DMWD: variants seen among roughly 807,000 people sequenced by gnomAD.
The protein encoded by DMWD is dystrophia myotonica WD repeat-containing protein.
DMWD carries 19 observed loss-of-function variants against 45.8 expected under a neutral mutation model. That is an observed-to-expected ratio of 0.41 (90% CI 0.29 to 0.61). DMWD has a LOEUF of 0.61. DMWD is among the 20% of genes least tolerant of loss of function. DMWD has a pLI of 0.25. For synonymous variants in DMWD, 515 were observed against 440.5 expected, an observed-to-expected ratio of 1.17 and a Z score of -2.12; for missense variants, 802 against 965.2, an observed-to-expected ratio of 0.83 and a Z score of 2.24.
intron 2 of DMWD, among the ~76,000 whole-genome samples, chr19:45,788,112 T>G (rs908615047): frequency 2.0e-5 from 3 of 151,960 alleles, no homozygotes; most frequent in African/African-American, 7.2e-5. Flanking sequence ...ACCCAGAATC[T>G]GACCTCCTCT....
chr19:45,786,024 G>T lies in DMWD; in HGVS notation c.1472C>A (p.Ser491Tyr). The part of the protein sequence containing the change: ...PGPGPLPRSL[S>Y]RSNSLPHPAG... ...TGGGTGCGGGAGACTGTTGGAGCGG[G>T]ACAGCGAGCGAGGCAGGGGGCCTGG... The change falls in exon 3 of 5, where the codon TCC (serine) becomes TAC (tyrosine). Residue 491 changes from serine to tyrosine, a missense_variant. Coordinates refer to ENST00000270223, the MANE Select transcript of DMWD (RefSeq NM_004943.2). The T allele has an allele frequency of 6.5e-7, 1 of 1,548,120 alleles. No homozygotes were observed.
At chr19:45,784,481 T>C (rs907733774) in intron 4 of DMWD, 160 bp downstream of exon 4, 2 of 1,310,558 alleles carry the variant, frequency 1.5e-6, no homozygotes, top group African/African-American at 1.5e-5. Context: ...CTTCCTGTCC[T>C]GGCAGTCAGC....
At position 45,786,608 on chromosome 19, in the gene DMWD, G is replaced by A. The variant is rs1970282350; in HGVS notation, c.888C>T (p.Gly296=). 1 of 1,613,720 alleles carries A rather than the reference G, an allele frequency of 6.2e-7. No homozygotes were observed. The highest frequency in any genetic ancestry group is 8.5e-7 in the Non-Finnish European group (1 of 1,179,808). ...PLNEFAFSPD[G]RHLACVSQDG... is the part of the protein sequence containing the mutation. ...CCTGGCTCACACAGGCCAGGTGCCGGCCATCGGGCGAGAAGGCGAACTCGT... is the reference window on the plus strand; with the variant it reads ...CCTGGCTCACACAGGCCAGGTGCCGACCATCGGGCGAGAAGGCGAACTCGT... The change falls in exon 3 of 5, where the codon GGC becomes GGT. Residue 296 remains glycine, a synonymous_variant. Coordinates refer to ENST00000270223, the MANE Select transcript of DMWD (RefSeq NM_004943.2).
intron 3 of DMWD, 124 bp from the exon 4 acceptor site, chr19:45,784,839 A>ACTGAGGAT: frequency 4.2e-6 from 6 of 1,436,072 alleles, no homozygotes; most frequent in Non-Finnish European, 5.5e-6. Context: ...CGATTCCAAA[A>ACTGAGGAT]CTGAGGATCT....
Position 45,787,296 on chromosome 19 carries a change from G to T in DMWD, c.625-425C>A. The T allele has an allele frequency of 1.6e-5, 4 of 254,298 alleles. No homozygotes were observed. The South Asian group carries it at 1.9e-4, about 12-fold the overall frequency. 15.8% of individuals were successfully genotyped at this position (254,298 alleles called of 1,614,324 possible). On this transcript the variant is annotated intron_variant, in intron 2 of 4. Transcript: ENST00000270223. ...TACAGCCTGAGCCCAGCCTCCTACCGGAGCAGCGCACCATTCAATCCTCGT... is the reference window on the plus strand; with the variant it reads ...TACAGCCTGAGCCCAGCCTCCTACCTGAGCAGCGCACCATTCAATCCTCGT...
At position 45,783,082 on chromosome 19, in the gene DMWD, TG is replaced by T. The variant is rs936187937; in HGVS notation, c.*1160del. The T allele has an allele frequency of 7.6e-5, 11 of 145,002 alleles. No homozygotes were observed. The highest frequency in any genetic ancestry group is 2.6e-4 in the African/African-American group (10 of 38,546). The allele number at this position is 145,002 out of a possible 1,614,324, so 9.0% of individuals were successfully genotyped here. On this transcript the variant is annotated 3_prime_UTR_variant, in exon 5 of 5. Transcript: ENST00000270223. ...CCTCAGAGCCTGAACAGGGGTGACC[TG>T]CTGCCCAAAGGCTGGGGGAGGAAAG...
intron 4 of DMWD, 161 bp from the exon 5 acceptor site, chr19:45,784,451 G>T: frequency 2.4e-6 from 3 of 1,267,978 alleles, no homozygotes; most frequent in Non-Finnish European, 2.2e-6. Context: ...CTCTAGGCTG[G>T]GAACTTGCAT....
Position 45,786,137 on chromosome 19 carries a change from G to T in DMWD, c.1359C>A (p.His453Gln). 1 of 1,543,956 alleles carries T rather than the reference G, an allele frequency of 6.5e-7. No individual in the cohort carries two copies. The highest frequency in any genetic ancestry group is 8.7e-7 in the Non-Finnish European group (1 of 1,143,376). ...GGGTGCGGGTGCGGGCCAGGGGGGG[G>T]TGCGGGTAGAGCACGTCTTCAGTGA... ...WDLTEDVLYP[H>Q]PPLARTRTLP... Residue 453 changes from histidine to glutamine, a missense_variant, in exon 3 of 5, where the codon CAC becomes CAA. Around this residue, in one of 9 missense-constraint regions of DMWD, gnomAD observed 303 missense variants for 332.9 expected, o/e 0.91. Transcript: ENST00000270223.
chr19:45,786,342 T>G lies in DMWD; in HGVS notation c.1154A>C (p.Glu385Ala), dbSNP rs1383145830. ...ATCAGCACCGGCTGCTGTCGCCGCC[T>G]CCTCTGCCCTTGTGGTGTAGGGGTC... ...AFDPYTTRAE[E>A]AATAAGADGE... The change falls in exon 3 of 5, where the codon GAG (glutamate) becomes GCG (alanine). Residue 385 changes from glutamate to alanine, a missense_variant. By Grantham distance (107) the Glu-to-Ala change is moderately radical. Transcript: ENST00000270223. 1 of 1,607,438 alleles carries G rather than the reference T, an allele frequency of 6.2e-7. No individual in the cohort carries two copies. Among genetic ancestry groups the G allele is most frequent in the East Asian group, 2.2e-5 (1 of 44,686 alleles).
intron 3 of DMWD, chr19:45,785,282 T>C: frequency 8.7e-7 from 1 of 1,153,646 alleles, no homozygotes; most frequent in Non-Finnish European, 1.1e-6. Flanking sequence ...AGATTCTGGT[T>C]CGAGTGACAG....
At chr19:45,791,977 T>C (rs781055989) in intron 1 of DMWD, among the ~76,000 whole-genome samples, 2 of 152,028 alleles carry the variant, frequency 1.3e-5, no homozygotes, top group Non-Finnish European at 2.9e-5. Context: ...CACCTCATGA[T>C]TCCCCATTAC....
intron 4 of DMWD, 150 bp from the exon 5 acceptor site, chr19:45,784,440 G>A: frequency 8.0e-7 from 1 of 1,244,800 alleles, no homozygotes; most frequent in Non-Finnish European, 1.1e-6. Flanking sequence ...AGAGGCCACT[G>A]CTCTAGGCTG....
chr19:45,784,780 T>C, intron 3 of DMWD, 65 bp from the exon 4 acceptor site: 1 of 1,578,210 alleles, frequency 6.3e-7, no homozygotes, highest in East Asian at 2.2e-5. Flanking sequence ...CACTCTTGCC[T>C]CTGAGTCACT....
In DMWD at chr19:45,791,105, A is replaced by C; in HGVS notation, c.442-18T>G. The C allele has an allele frequency of 1.3e-6, 2 of 1,599,544 alleles. No individual in the cohort carries two copies. Among genetic ancestry groups the C allele is most frequent in the Non-Finnish European group, 1.7e-6 (2 of 1,172,446 alleles). On this transcript the variant is annotated intron_variant, in intron 1 of 4. Transcript: ENST00000270223. ...TCAATGGACTTGAGGGGTGGGAGAA[A>C]AGGAGTTAATGGTGTATGCCACTGA...
At position 45,792,573 on chromosome 19, in the gene DMWD, G is replaced by C; in HGVS notation, c.184C>G (p.Pro62Ala). 1.6e-6 allele frequency: 2 copies of C among 1,259,538 alleles called. No homozygotes were observed. The highest frequency in any genetic ancestry group is 2.0e-6 in the Non-Finnish European group (2 of 988,434). The allele number at this position is 1,259,538 out of a possible 1,614,324, so 78.0% of individuals were successfully genotyped here. A position where few individuals can be genotyped will look rare whatever the true frequency, so the allele number is the denominator to read the frequency against. Residue 62 changes from proline to alanine, a missense_variant, in exon 1 of 5, where the codon CCG (proline) becomes GCG (alanine). Coordinates refer to ENST00000270223, the MANE Select transcript of DMWD (RefSeq NM_004943.2). ...CCGGAGGCGGAGGCAGGGCCGGGCGGGGGCTGCGGTGGCTGAGGCGGCACC... is the reference window on the plus strand; with the variant it reads ...CCGGAGGCGGAGGCAGGGCCGGGCGCGGGCTGCGGTGGCTGAGGCGGCACC... Reference protein sequence around the residue: ...TPVPPQPPQPPPGPASASGPG... With the variant: ...TPVPPQPPQPAPGPASASGPG...
chr19:45,786,979 C>G (rs1970289078), intron 2 of DMWD, 108 bp from the exon 3 acceptor site: 1 of 1,494,072 alleles, frequency 6.7e-7, no homozygotes, highest in African/African-American at 1.4e-5. Context: ...CCCGCTCACA[C>G]AGCAGGTGCC....
Position 45,783,651 on chromosome 19 carries a change from G to T in DMWD, c.*592C>A, listed in dbSNP as rs1970216306. Reference sequence around the variant, plus strand: ...GGGAGCAGGCCTGCACTCCTCCTCTGGGGAAAGCGGACTGCCTAGAACCAC... The same window carrying T: ...GGGAGCAGGCCTGCACTCCTCCTCTTGGGAAAGCGGACTGCCTAGAACCAC... On this transcript the variant is annotated 3_prime_UTR_variant, in exon 5 of 5. Coordinates refer to ENST00000270223, the MANE Select transcript of DMWD (RefSeq NM_004943.2). 1 of 401,062 alleles carries T rather than the reference G, an allele frequency of 2.5e-6. No individual in the cohort carries two copies. The highest frequency in any genetic ancestry group is 2.1e-5 in the African/African-American group (1 of 48,628). The allele number at this position is 401,062 out of a possible 1,614,324, so 24.8% of individuals were successfully genotyped here. A position where few individuals can be genotyped will look rare whatever the true frequency, so the allele number is the denominator to read the frequency against.
chr19:45,783,580 G>A lies in DMWD; in HGVS notation c.*663C>T. 1 of 398,764 alleles carries A rather than the reference G, an allele frequency of 2.5e-6. No individual in the cohort carries two copies. The allele number at this position is 398,764 out of a possible 1,614,324, so 24.7% of individuals were successfully genotyped here. A position where few individuals can be genotyped will look rare whatever the true frequency, so the allele number is the denominator to read the frequency against. ...GACTCGCAGGTCCGTTCCCTCCCTG[G>A]GCTCCGGCTTTTCCTGCTATGAAAA... On this transcript the variant is annotated 3_prime_UTR_variant, in exon 5 of 5. Coordinates refer to ENST00000270223, the MANE Select transcript of DMWD (RefSeq NM_004943.2).
Position 45,784,057 on chromosome 19 carries a change from A to G in DMWD, c.*186T>C, listed in dbSNP as rs1435118616. 3 of 649,912 alleles carry G rather than the reference A, an allele frequency of 4.6e-6. No homozygotes were observed. Among genetic ancestry groups the G allele is most frequent in the South Asian group, 3.4e-5 (2 of 58,294 alleles). 40.3% of individuals were successfully genotyped at this position (649,912 alleles called of 1,614,324 possible). On this transcript the variant is annotated 3_prime_UTR_variant, in exon 5 of 5. Transcript: ENST00000270223. ...GGTGGGGGACAAGGCTGAGGCCACAAGGGCTATTACATCGCCCGTGTCCGG... is the reference window on the plus strand; with the variant it reads ...GGTGGGGGACAAGGCTGAGGCCACAGGGGCTATTACATCGCCCGTGTCCGG...
Sources: gnomAD v4.1 joint callset for allele counts (sites outside exome capture counted in the v4.1 genomes callset) on GRCh38, gnomAD v4.1.1 for gene constraint, gnomAD v4.1.1 regional missense constraint, MANE v1.5 for transcripts, NCBI Gene and HGNC (gene_info 2026-07-23, HGNC 2026-07-21) for gene names.